Variants in TMEM45A observed in about 807,000 individuals in gnomAD.
TMEM45A encodes the protein transmembrane protein 45A.
TMEM45A carries 25 observed loss-of-function variants against 32.0 expected under a neutral mutation model. The ratio of observed to expected loss-of-function variants is 0.78; its 90% CI spans 0.57 to 1.09. TMEM45A has a LOEUF of 1.09. Ranked by LOEUF, TMEM45A falls within the 50% of genes least tolerant of loss-of-function variation. The pLI is 0.00. For missense variants in TMEM45A, 302 were observed against 325.0 expected (o/e 0.93, Z 0.54); for synonymous variants, 122 against 114.8 (o/e 1.06, Z -0.40).
chr3:100,529,443 G>C (rs2148955098), intron 1 of TMEM45A, among the ~76,000 whole-genome samples: 1 of 152,226 alleles, frequency 6.6e-6, no homozygotes, highest in South Asian at 2.1e-4. Flanking sequence ...GCATAGTGTG[G>C]GAGGCCATGC....
At chr3:100,530,283 G>A (rs1194757424) in intron 1 of TMEM45A, among the ~76,000 whole-genome samples, 2 of 152,190 alleles carry the variant, frequency 1.3e-5, no homozygotes, top group Non-Finnish European at 2.9e-5. Flanking sequence ...GGGCTGGCAA[G>A]TCTGAAATCT....
chr3:100,576,191 C>T (rs578018062), intron 5 of TMEM45A, among the ~76,000 whole-genome samples: 61 of 152,280 alleles, frequency 4.0e-4, no homozygotes, highest in Non-Finnish European at 7.5e-4. Context: ...TGGCTCACGC[C>T]TGTAATCCCA....
At chr3:100,535,575 T>TTATGTC (rs1196341737) in intron 1 of TMEM45A, among the ~76,000 whole-genome samples, 2 of 152,202 alleles carry the variant, frequency 1.3e-5, no homozygotes, top group Admixed American at 1.3e-4. Flanking sequence ...ACATGGGGCA[T>TTATGTC]TATGTCTAAT....
intron 1 of TMEM45A, among the ~76,000 whole-genome samples, chr3:100,521,164 C>T (rs1023734661): frequency 1.3e-5 from 2 of 152,178 alleles, no homozygotes; most frequent in African/African-American, 4.8e-5. Flanking sequence ...TCTGATACAT[C>T]CTAAGTTCCC....
intron 1 of TMEM45A, among the ~76,000 whole-genome samples, chr3:100,543,199 G>A (rs1027654313): frequency 6.6e-6 from 1 of 152,014 alleles, no homozygotes; most frequent in African/African-American, 2.4e-5. Context: ...TTTACTGGTA[G>A]TATTATATTC....
intron 1 of TMEM45A, among the ~76,000 whole-genome samples, chr3:100,554,870 CCT>C (rs754726901): frequency 6.6e-6 from 1 of 152,134 alleles, no homozygotes; most frequent in African/African-American, 2.4e-5. Context: ...AGTGGTCTAA[CCT>C]CTCTAAATGA....
intron 1 of TMEM45A, 74 bp downstream of exon 1, chr3:100,493,002 C>G (rs141312647): frequency 6.6e-6 from 1 of 152,254 alleles, no homozygotes; most frequent in East Asian, 1.9e-4. Context: ...TTACTGTTCT[C>G]ACCAGCTTTC....
At chr3:100,539,466 T>C (rs375623671) in intron 1 of TMEM45A, among the ~76,000 whole-genome samples, 10 of 136,144 alleles carry the variant, frequency 7.3e-5, no homozygotes, top group Admixed American at 2.2e-4. Context: ...TATATGTATA[T>C]GTATATGTAT....
intron 1 of TMEM45A, among the ~76,000 whole-genome samples, chr3:100,545,638 T>C (rs1705967072): frequency 1.3e-5 from 2 of 152,360 alleles, no homozygotes; most frequent in South Asian, 4.1e-4. Context: ...TCCAGTCATA[T>C]GCCTCTGTCC....
intron 1 of TMEM45A, among the ~76,000 whole-genome samples, chr3:100,530,096 C>G (rs1261846694): frequency 2.0e-5 from 3 of 152,144 alleles, no homozygotes; most frequent in African/African-American, 7.2e-5. Flanking sequence ...ACTGATTACC[C>G]CGTTTCAACA....
At chr3:100,564,906 C>A (rs1389537864) in intron 4 of TMEM45A, among the ~76,000 whole-genome samples, 1 of 152,182 alleles carries the variant, frequency 6.6e-6, no homozygotes, top group African/African-American at 2.4e-5. Flanking sequence ...CTCGTGGGAC[C>A]ACCTTCCATC....
intron 1 of TMEM45A, among the ~76,000 whole-genome samples, chr3:100,526,909 A>C (rs1705555734): frequency 6.6e-6 from 1 of 152,224 alleles, no homozygotes. Context: ...TCACAGGCAC[A>C]AAGTGAGTCC....
intron 1 of TMEM45A, among the ~76,000 whole-genome samples, chr3:100,553,061 A>G (rs779948300): frequency 2.0e-5 from 3 of 152,226 alleles, no homozygotes; most frequent in Non-Finnish European, 4.4e-5. Context: ...TTACTCTGGT[A>G]GTTAGAGGTA....
chr3:100,516,809 T>C (rs953687426), intron 1 of TMEM45A, among the ~76,000 whole-genome samples: 5 of 152,066 alleles, frequency 3.3e-5, no homozygotes, highest in Admixed American at 2.6e-4. Flanking sequence ...TTTTTCATAA[T>C]GTGTTGAAGG....
At chr3:100,536,222 G>T (rs1705737228) in intron 1 of TMEM45A, among the ~76,000 whole-genome samples, 1 of 152,140 alleles carries the variant, frequency 6.6e-6, no homozygotes, top group Non-Finnish European at 1.5e-5. Flanking sequence ...TGCCATTGTT[G>T]AGAAATTCCA....
At chr3:100,537,092 T>C (rs1324870962) in intron 1 of TMEM45A, among the ~76,000 whole-genome samples, 1 of 152,118 alleles carries the variant, frequency 6.6e-6, no homozygotes, top group Non-Finnish European at 1.5e-5. Context: ...CTGGCTAATT[T>C]TTGTATTTTT....
intron 1 of TMEM45A, among the ~76,000 whole-genome samples, chr3:100,507,565 C>A (rs1440779702): frequency 6.6e-6 from 1 of 152,098 alleles, no homozygotes; most frequent in Non-Finnish European, 1.5e-5. Context: ...GAAAGGTTTT[C>A]AATAAATGTT....
intron 1 of TMEM45A, among the ~76,000 whole-genome samples, chr3:100,550,863 T>C (rs974153573): frequency 4.6e-5 from 7 of 152,198 alleles, no homozygotes; most frequent in African/African-American, 1.7e-4. Context: ...GAGGGGTTTC[T>C]GGTTTTCAGG....
intron 1 of TMEM45A, among the ~76,000 whole-genome samples, chr3:100,511,618 T>C (rs2148937033): frequency 6.6e-6 from 1 of 151,236 alleles, no homozygotes; most frequent in East Asian, 1.9e-4. Flanking sequence ...AATTCACACA[T>C]AACAATATTA....
Sources: allele counts gnomAD v4.1 joint callset (sites outside exome capture counted in the v4.1 genomes callset), GRCh38; gene constraint gnomAD v4.1.1; transcripts MANE v1.5; gene names NCBI Gene and HGNC (gene_info 2026-07-23, HGNC 2026-07-21).